Variants in SUCLG2 observed in about 807,000 individuals in gnomAD.
The protein encoded by SUCLG2 is succinate-CoA ligase GDP-forming subunit beta.
SUCLG2 carries 42 observed loss-of-function variants against 47.9 expected under a neutral mutation model. The ratio of observed to expected loss-of-function variants is 0.88; its 90% CI spans 0.69 to 1.14. SUCLG2 has a LOEUF of 1.14. Among genes scored for constraint, SUCLG2 ranks in the 50% most tolerant of loss-of-function variants. The pLI, the probability that SUCLG2 is intolerant of heterozygous loss-of-function variation, is 0.00. For synonymous variants in SUCLG2, 195 were observed against 197.3 expected, an observed-to-expected ratio of 0.99 and a Z score of 0.10; for missense variants, 571 against 525.9, an observed-to-expected ratio of 1.09 and a Z score of -0.84.
chr3:67,475,719 CT>C (rs59129055), intron 9 of SUCLG2, among the ~76,000 whole-genome samples: 214 of 146,450 alleles, frequency 1.5e-3, no homozygotes, highest in Non-Finnish European at 1.2e-3. Flanking sequence ...CCTTCCCCTC[CT>C]TTTTTTTTTT....
At chr3:67,531,336 TA>T (rs2107151926) in intron 2 of SUCLG2, among the ~76,000 whole-genome samples, 1 of 152,324 alleles carries the variant, frequency 6.6e-6, no homozygotes, top group East Asian at 1.9e-4. Flanking sequence ...TCATTTTTCA[TA>T]TCCTTGTCAT....
At chr3:67,510,426 C>T (rs955465289) in intron 6 of SUCLG2, among the ~76,000 whole-genome samples, 1 of 152,036 alleles carries the variant, frequency 6.6e-6, no homozygotes, top group African/African-American at 2.4e-5. Flanking sequence ...GTATATGATA[C>T]AAAATTCCCG....
At chr3:67,590,958 C>A (rs1006484013) in intron 2 of SUCLG2, among the ~76,000 whole-genome samples, 18 of 151,942 alleles carry the variant, frequency 1.2e-4, no homozygotes, top group African/African-American at 4.4e-4. Context: ...TAAAAAAAAA[C>A]CTTTTCTAAT....
chr3:67,447,007 G>T (rs1158851435), intron 9 of SUCLG2, among the ~76,000 whole-genome samples: 1 of 152,072 alleles, frequency 6.6e-6, no homozygotes, highest in Non-Finnish European at 1.5e-5. Context: ...TTAGTTTTTT[G>T]AAACAGGTTA....
chr3:67,400,709 G>A (rs755887239), intron 10 of SUCLG2, 22 bp downstream of exon 10: 5 of 1,608,922 alleles, frequency 3.1e-6, no homozygotes, highest in Admixed American at 1.7e-5. Flanking sequence ...TGCTGGCACA[G>A]CGGAAATCTA....
intron 7 of SUCLG2, among the ~76,000 whole-genome samples, chr3:67,508,556 C>T (rs557284225): frequency 9.0e-4 from 137 of 152,264 alleles, no homozygotes; most frequent in African/African-American, 3.1e-3. Flanking sequence ...AGGCATGAGC[C>T]ACCACACCAA....
At position 67,642,916 on chromosome 3, in the gene SUCLG2, C is replaced by CTGTGTGTGTG. The variant is rs1491202290; in HGVS notation, c.84+11586_84+11587insCACACACACA. Among the ~76,000 whole-genome samples, 1,201 of 120,120 alleles carry CTGTGTGTGTG rather than the reference C, an allele frequency of 1.0e-2. 19 individuals carry two copies. The highest frequency in any genetic ancestry group is 0.031 in the African/African-American group (1,113 of 36,484). The allele number at this position is 120,120 out of a possible 152,430, so 78.8% of individuals were successfully genotyped here. A position where few individuals can be genotyped will look rare whatever the true frequency, so the allele number is the denominator to read the frequency against. On this transcript the variant is annotated intron_variant, in intron 1 of 10. Transcript: ENST00000307227. Reference sequence around the variant, plus strand: ...TACAGGCAAGTCCAACAGAAAAGGACTCTGTGTGTGTGTGTGTGTGTGTGT... The same window carrying CTGTGTGTGTG: ...TACAGGCAAGTCCAACAGAAAAGGACTGTGTGTGTGTCTGTGTGTGTGTGTGTGTGTGTGT...
chr3:67,509,718 G>A (rs563584143), intron 6 of SUCLG2, among the ~76,000 whole-genome samples: 1 of 152,192 alleles, frequency 6.6e-6, no homozygotes, highest in Non-Finnish European at 1.5e-5. Flanking sequence ...GCAAGAGGGT[G>A]GATCGTGGAG....
intron 10 of SUCLG2, among the ~76,000 whole-genome samples, chr3:67,389,516 T>A (rs531862583): frequency 6.6e-6 from 1 of 152,294 alleles, no homozygotes; most frequent in Admixed American, 6.5e-5. Flanking sequence ...CAAATAGTGG[T>A]TCTCAGTACT....
chr3:67,521,922 T>G (rs56246741), intron 4 of SUCLG2, among the ~76,000 whole-genome samples: 8,531 of 152,170 alleles, frequency 0.056, 356 homozygotes, highest in East Asian at 0.18. Context: ...CCTGGCCTCT[T>G]TTTTAAAATC....
intron 9 of SUCLG2, among the ~76,000 whole-genome samples, chr3:67,476,196 C>A (rs1162121136): frequency 6.6e-6 from 1 of 151,934 alleles, no homozygotes; most frequent in Non-Finnish European, 1.5e-5. Context: ...CAGTACTGGT[C>A]CATGGCCTGT....
chr3:67,414,205 T>C (rs928784056), intron 9 of SUCLG2, among the ~76,000 whole-genome samples: 7 of 152,314 alleles, frequency 4.6e-5, no homozygotes, highest in African/African-American at 1.7e-4. Flanking sequence ...TGCCCATTTC[T>C]GCTACACGAG....
chr3:67,393,682 C>T (rs576388954), intron 10 of SUCLG2, among the ~76,000 whole-genome samples: 1 of 152,204 alleles, frequency 6.6e-6, no homozygotes, highest in Middle Eastern at 3.2e-3. Flanking sequence ...GTTCTCCTGG[C>T]ACGCAGCTGG....
intron 7 of SUCLG2, among the ~76,000 whole-genome samples, chr3:67,503,861 G>T (rs893678976): frequency 1.3e-5 from 2 of 152,184 alleles, no homozygotes; most frequent in Non-Finnish European, 2.9e-5. Context: ...GATTCTGTGA[G>T]CTGCTAATTC....
chr3:67,522,855 C>T (rs1402813012), intron 4 of SUCLG2, among the ~76,000 whole-genome samples: 1 of 151,854 alleles, frequency 6.6e-6, no homozygotes, highest in Non-Finnish European at 1.5e-5. Flanking sequence ...TTAGTGGAGA[C>T]GGGGTTTCAC....
chr3:67,478,612 C>A (rs1039446514), intron 9 of SUCLG2, among the ~76,000 whole-genome samples: 16 of 152,220 alleles, frequency 1.1e-4, no homozygotes, highest in Non-Finnish European at 2.2e-4. Context: ...TATGTAGTAT[C>A]ATACGTCAAA....
intron 2 of SUCLG2, among the ~76,000 whole-genome samples, chr3:67,601,780 G>C (rs1320273320): frequency 1.3e-5 from 2 of 151,982 alleles, no homozygotes; most frequent in African/African-American, 4.8e-5. Context: ...CCAGGAGTTC[G>C]AGACCATCCT....
chr3:67,478,289 T>C (rs1246453891), intron 9 of SUCLG2, among the ~76,000 whole-genome samples: 5 of 152,190 alleles, frequency 3.3e-5, no homozygotes, highest in Non-Finnish European at 5.9e-5. Flanking sequence ...ACTTCACGTG[T>C]TATTTCCTCT....
intron 2 of SUCLG2, among the ~76,000 whole-genome samples, chr3:67,565,805 C>G (rs1707439000): frequency 6.6e-6 from 1 of 152,332 alleles, no homozygotes; most frequent in South Asian, 2.1e-4. Flanking sequence ...CCACAATGGT[C>G]TACTAAATGC....
Sources: allele counts gnomAD v4.1 joint callset (sites outside exome capture counted in the v4.1 genomes callset), GRCh38; gene constraint gnomAD v4.1.1; transcripts MANE v1.5; gene names NCBI Gene and HGNC (gene_info 2026-07-23, HGNC 2026-07-21).